Variants in RSPRY1 observed in about 807,000 individuals in gnomAD.
RSPRY1 encodes ring finger and SPRY domain containing 1.
RSPRY1 carries 23 observed loss-of-function variants against 73.1 expected under a neutral mutation model. The observed-to-expected ratio is 0.31, with a 90% confidence interval of 0.23 to 0.45. RSPRY1 has a LOEUF of 0.45. RSPRY1 is among the 20% of genes least tolerant of loss of function. The probability of loss-of-function intolerance (pLI) is 1.00; values close to 1 mark genes in which losing one functional copy is unlikely to be tolerated. For missense variants in RSPRY1, 448 were observed against 698.7 expected, an observed-to-expected ratio of 0.64 and a Z score of 4.05; for synonymous variants, 226 against 251.4, an observed-to-expected ratio of 0.90 and a Z score of 0.95.
At chr16:57,188,660 G>T (rs1181051556) in intron 1 of RSPRY1, among the ~76,000 whole-genome samples, 1 of 152,024 alleles carries the variant, frequency 6.6e-6, no homozygotes, top group African/African-American at 2.4e-5. Flanking sequence ...GGGATTACAG[G>T]CATGTACCAC....
At chr16:57,223,043 CAAA>C (rs1396942003) in intron 10 of RSPRY1, among the ~76,000 whole-genome samples, 1 of 152,116 alleles carries the variant, frequency 6.6e-6, no homozygotes, top group Non-Finnish European at 1.5e-5. Context: ...TCTTTAAAAA[CAAA>C]CACTCTTCCC....
chr16:57,205,804 T>C (rs78110752), intron 2 of RSPRY1, among the ~76,000 whole-genome samples: 15,495 of 152,222 alleles, frequency 0.1, 1,008 homozygotes, highest in East Asian at 0.23. Context: ...GGGGATAATA[T>C]TGTTCCCACA....
chr16:57,199,895 G>GTTTTTTTTTTTTTTTTTTTTTTTTTTTTT (rs61132783), intron 1 of RSPRY1, among the ~76,000 whole-genome samples: 1 of 106,250 alleles, frequency 9.4e-6, no homozygotes, highest in Non-Finnish European at 1.9e-5. Flanking sequence ...TTTTTTGTTT[G>GTTTTTTTTTTTTTTTTTTTTTTTTTTTTT]TTTTTTTTTT....
At chr16:57,212,664 G>A (rs2074865823) in intron 4 of RSPRY1, among the ~76,000 whole-genome samples, 1 of 152,050 alleles carries the variant, frequency 6.6e-6, no homozygotes, top group Non-Finnish European at 1.5e-5. Context: ...GTCCAGGCTG[G>A]AGTGCAGTGG....
At chr16:57,203,510 T>C (rs1435461559) in intron 1 of RSPRY1, among the ~76,000 whole-genome samples, 1 of 152,220 alleles carries the variant, frequency 6.6e-6, no homozygotes, top group Non-Finnish European at 1.5e-5. Flanking sequence ...GTTTGTTTGT[T>C]TGTTTTTTTA....
chr16:57,188,052 C>T (rs540514327), intron 1 of RSPRY1, among the ~76,000 whole-genome samples: 1 of 152,326 alleles, frequency 6.6e-6, no homozygotes, highest in South Asian at 2.1e-4. Context: ...CTTTCTCCCT[C>T]AGTTGTGATT....
intron 5 of RSPRY1, among the ~76,000 whole-genome samples, chr16:57,213,527 G>A (rs1446077426): frequency 2.0e-5 from 3 of 152,196 alleles, no homozygotes; most frequent in Non-Finnish European, 4.4e-5. Context: ...CTGAGAAGCA[G>A]GTATTTAATT....
chr16:57,205,382 G>A, intron 2 of RSPRY1: 1 of 186,934 alleles, frequency 5.3e-6, no homozygotes, highest in Admixed American at 5.3e-5. Context: ...CAGATTCAAG[G>A]TAAGTTGTTT....
At position 57,234,533 on chromosome 16, in the gene RSPRY1, G is replaced by A. The variant is rs140412396; in HGVS notation, c.1530-591G>A. ...GGCTTGGAACAGTGCCTGGCACACA[G>A]TAAGCCCGTAAGTGAACTGAATACA... is the stretch of plus-strand genomic sequence containing the variant. On this transcript the variant is annotated intron_variant, in intron 13 of 14. Transcript: ENST00000394420. 6.0e-4 allele frequency among the ~76,000 whole-genome samples: 91 copies of A among 152,336 alleles called. 1 individual carries two copies. The East Asian group carries it at 0.016, about 27-fold the overall frequency.
chr16:57,233,718 C>T (rs541867710), intron 13 of RSPRY1, among the ~76,000 whole-genome samples: 1 of 152,300 alleles, frequency 6.6e-6, no homozygotes, highest in Admixed American at 6.5e-5. Context: ...CTGGCCATAA[C>T]CGTAGAGTAT....
At position 57,226,943 on chromosome 16, in the gene RSPRY1, CAG is replaced by C. The variant is rs532552327; in HGVS notation, c.1162-397_1162-396del. Among the ~76,000 whole-genome samples, 142 of 152,322 alleles carry C rather than the reference CAG, an allele frequency of 9.3e-4. 1 individual carries two copies. Among genetic ancestry groups the C allele is most frequent in the Non-Finnish European group, 1.8e-3 (120 of 68,018 alleles). ...CAAGTGTACTGACTGATCTTGGAATCAGAAGAATTTAGGTTCAAACCTGGCTC... is the reference window on the plus strand; with the variant it reads ...CAAGTGTACTGACTGATCTTGGAATCAAGAATTTAGGTTCAAACCTGGCTC... On this transcript the variant is annotated intron_variant, in intron 10 of 14. Transcript: ENST00000394420.
chr16:57,214,373 TGTC>T (rs2074900854), intron 6 of RSPRY1, among the ~76,000 whole-genome samples: 1 of 152,198 alleles, frequency 6.6e-6, no homozygotes. Flanking sequence ...TTAAAACTGT[TGTC>T]ACTGGAATAT....
intron 4 of RSPRY1, among the ~76,000 whole-genome samples, chr16:57,212,300 GA>G (rs1267737653): frequency 6.6e-6 from 1 of 152,164 alleles, no homozygotes; most frequent in Non-Finnish European, 1.5e-5. Context: ...AACAGAGCAA[GA>G]GCAAAAAGAA....
chr16:57,225,242 G>A (rs1744003702), intron 10 of RSPRY1, among the ~76,000 whole-genome samples: 1 of 152,200 alleles, frequency 6.6e-6, no homozygotes. Context: ...TGTATTTTTA[G>A]TAGAGACAGG....
Position 57,239,056 on chromosome 16 carries a change from A to C in RSPRY1, c.*81A>C. On this transcript the variant is annotated 3_prime_UTR_variant, in exon 15 of 15. Transcript: ENST00000394420. ...AAGAAAAAGAAAAAAAAAACTCTCT[A>C]ATCAGTTGTACACACATTGAAACTT... The C allele has an allele frequency of 3.1e-6, 2 of 647,794 alleles. No individual in the cohort carries two copies. Among genetic ancestry groups the C allele is most frequent in the Non-Finnish European group, 5.0e-6 (2 of 397,986 alleles). The allele number at this position is 647,794 out of a possible 1,614,324, so 40.1% of individuals were successfully genotyped here. A position where few individuals can be genotyped will look rare whatever the true frequency, so the allele number is the denominator to read the frequency against.
intron 7 of RSPRY1, chr16:57,216,574 G>A: frequency 3.0e-6 from 1 of 331,186 alleles, no homozygotes. Context: ...TAAAAAATCA[G>A]CCAGGCATGG....
chr16:57,208,044 AT>A lies in RSPRY1; in HGVS notation c.351-5del, dbSNP rs757171440. On this transcript the variant is annotated splice_polypyrimidine_tract_variant and intron_variant, in intron 2 of 14. Transcript: ENST00000394420. ...TATTTCCTCAGGTTTAATGCCTTGA[AT>A]TTTTTTTTCCAGTGATCAGGAACCT... 1.3e-4 allele frequency: 191 copies of A among 1,527,850 alleles called. No homozygotes were observed. The highest frequency in any genetic ancestry group is 4.4e-4 in the African/African-American group (32 of 72,072). The allele number at this position is 1,527,850 out of a possible 1,614,324, so 94.6% of individuals were successfully genotyped here.
At chr16:57,215,851 G>A (rs2074929374) in intron 6 of RSPRY1, among the ~76,000 whole-genome samples, 1 of 152,090 alleles carries the variant, frequency 6.6e-6, no homozygotes, top group Non-Finnish European at 1.5e-5. Flanking sequence ...GTATTTAACA[G>A]GATACTTTTG....
At position 57,204,611 on chromosome 16, in the gene RSPRY1, C is replaced by T. The variant is rs778841803; in HGVS notation, c.-48C>T. On this transcript the variant is annotated 5_prime_UTR_variant, in exon 2 of 15. It introduces an in-frame stop codon into an upstream open reading frame of the 5' UTR. Coordinates refer to ENST00000394420, the MANE Select transcript of RSPRY1 (RefSeq NM_133368.3). ...AAAAACAAATAGGATGCAAATTCCT[C>T]AACTCCAGGTTATGAAAACAGTACT... 2.6e-6 allele frequency: 4 copies of T among 1,547,582 alleles called. No individual in the cohort carries two copies. The highest frequency in any genetic ancestry group is 1.8e-5 in the Admixed American group (1 of 56,540).
Sources: gnomAD v4.1 joint callset for allele counts (sites outside exome capture counted in the v4.1 genomes callset) on GRCh38, gnomAD v4.1.1 for gene constraint, MANE v1.5 for transcripts, NCBI Gene and HGNC (gene_info 2026-07-23, HGNC 2026-07-21) for gene names.